Variants in ALG6 observed in about 807,000 individuals in gnomAD.
ALG6 encodes the protein ALG6 alpha-1,3-glucosyltransferase, also known as dolichyl pyrophosphate Man9GlcNAc2 alpha-1,3-glucosyltransferase.
A neutral mutation model predicts 66.6 loss-of-function variants in ALG6; 46 were observed. The observed-to-expected ratio is 0.69, with a 90% CI of 0.55 to 0.88. The LOEUF is 0.88. Ranked by LOEUF, ALG6 falls within the 40% of genes least tolerant of loss-of-function variation. ALG6 has a pLI of 0.00. For missense variants in ALG6, 505 were observed against 586.8 expected (o/e 0.86, Z 1.44); for synonymous variants, 185 against 203.7 (o/e 0.91, Z 0.78).
intron 12 of ALG6, 55 bp from the exon 13 acceptor site, chr1:63,428,678 A>T (rs1163579045): frequency 9.8e-6 from 12 of 1,229,294 alleles, no homozygotes; most frequent in Non-Finnish European, 1.4e-5. Flanking sequence ...TTTTACAATT[A>T]GGAGTTGAAG....
intron 7 of ALG6, 88 bp from the exon 8 acceptor site, chr1:63,411,058 C>T: frequency 6.0e-6 from 8 of 1,336,064 alleles, no homozygotes; most frequent in Non-Finnish European, 8.5e-6. Context: ...GCTTGCATTT[C>T]CTAGAGCATA....
At chr1:63,402,995 T>C (rs1441588167) in intron 4 of ALG6, among the ~76,000 whole-genome samples, 1 of 145,892 alleles carries the variant, frequency 6.9e-6, no homozygotes, top group Non-Finnish European at 1.5e-5. Context: ...CTTGGGAGGC[T>C]GAGGCAGGAG....
At chr1:63,431,062 T>G (rs1033227551) in intron 14 of ALG6, among the ~76,000 whole-genome samples, 34 of 152,316 alleles carry the variant, frequency 2.2e-4, no homozygotes, top group African/African-American at 8.2e-4. Context: ...GTATATGGTG[T>G]GAGGTAGGAG....
chr1:63,402,386 T>G, intron 4 of ALG6, 43 bp downstream of exon 4: 1 of 1,349,100 alleles, frequency 7.4e-7, no homozygotes, highest in Non-Finnish European at 1.1e-6. Flanking sequence ...TTTTATGCCC[T>G]TGGCAGATTT....
At chr1:63,404,675 C>G in intron 5 of ALG6, 134 bp downstream of exon 5, 1 of 741,810 alleles carries the variant, frequency 1.3e-6, no homozygotes, top group South Asian at 1.6e-5. Context: ...TACAAATATA[C>G]ATATTTGTAT....
Position 63,378,081 on chromosome 1 carries a change from G to T in ALG6, c.82+7022G>T, listed in dbSNP as rs186263723. ...TTTACCCTTGTGTTTAGCATTTTCT[G>T]TTCACCCTTCTTACATATTGTATCT... is the stretch of plus-strand genomic sequence containing the variant. On this transcript the variant is annotated intron_variant, in intron 2 of 14. Transcript: ENST00000263440. Among the ~76,000 whole-genome samples the T allele has an allele frequency of 2.0e-5, 3 of 152,144 alleles. No individual in the cohort carries two copies. The East Asian group carries it at 5.8e-4, about 29-fold the overall frequency.
intron 12 of ALG6, chr1:63,428,121 C>A (rs1478822330): frequency 6.6e-6 from 1 of 152,398 alleles, no homozygotes; most frequent in African/African-American, 2.4e-5. Flanking sequence ...CTAAACAATT[C>A]TTTGATAAAG....
chr1:63,394,275 G>A lies in ALG6; in HGVS notation c.83-2238G>A, dbSNP rs1379214503. Among the ~76,000 whole-genome samples, 8 of 152,284 alleles carry A rather than the reference G, an allele frequency of 5.3e-5. No individual in the cohort carries two copies. In the East Asian group the frequency reaches 1.5e-3, roughly 29 times the overall value. ...CAGTTTAAAAAGCTGTGATTATACT[G>A]TACCTCTTTGGGCCTTCTCACAATT... is the stretch of plus-strand genomic sequence containing the variant. On this transcript the variant is annotated intron_variant, in intron 2 of 14. Transcript: ENST00000263440.
intron 14 of ALG6, among the ~76,000 whole-genome samples, chr1:63,432,258 G>GTT (rs139890401): frequency 0.026 from 3,843 of 149,590 alleles, 65 homozygotes; most frequent in Non-Finnish European, 0.04. Flanking sequence ...TTGGTCATGT[G>GTT]TGTTTTTTTT....
intron 2 of ALG6, among the ~76,000 whole-genome samples, chr1:63,377,832 C>CA (rs1648183259): frequency 6.6e-6 from 1 of 152,186 alleles, no homozygotes; most frequent in Non-Finnish European, 1.5e-5. Context: ...TTCCTGGGCT[C>CA]AGAGGATCCT....
intron 7 of ALG6, among the ~76,000 whole-genome samples, chr1:63,407,555 T>G (rs1423927376): frequency 1.3e-5 from 2 of 152,098 alleles, no homozygotes; most frequent in African/African-American, 2.4e-5. Flanking sequence ...TTCAGGAAAC[T>G]AAAACTGATA....
At chr1:63,429,887 T>TGTG (rs1553156973) in intron 14 of ALG6, 18 of 85,778 alleles carry the variant, frequency 2.1e-4, no homozygotes, top group Admixed American at 1.9e-3. Context: ...GTGTGTGTAT[T>TGTG]TATTTATTTT....
intron 2 of ALG6, among the ~76,000 whole-genome samples, chr1:63,380,869 G>A (rs1384317109): frequency 6.6e-6 from 1 of 152,132 alleles, no homozygotes; most frequent in African/African-American, 2.4e-5. Context: ...CTCTTAAATT[G>A]TCCCTAGGAA....
chr1:63,385,792 GTT>G (rs1648485772), intron 2 of ALG6, among the ~76,000 whole-genome samples: 1 of 152,108 alleles, frequency 6.6e-6, no homozygotes, highest in Admixed American at 6.6e-5. Flanking sequence ...TTCCTTTCCA[GTT>G]TGGGTGACCT....
At chr1:63,407,244 A>G (rs891930259) in intron 7 of ALG6, 118 bp downstream of exon 7, 1 of 718,256 alleles carries the variant, frequency 1.4e-6, no homozygotes, top group Middle Eastern at 3.2e-4. Context: ...TATATAAACT[A>G]TTTCACAATA....
At chr1:63,431,316 C>G (rs1045762509) in intron 14 of ALG6, among the ~76,000 whole-genome samples, 4 of 152,136 alleles carry the variant, frequency 2.6e-5, no homozygotes, top group Admixed American at 1.3e-4. Flanking sequence ...ATTTTACATC[C>G]CTTTATTTTC....
Position 63,422,243 on chromosome 1 carries a change from A to T in ALG6, c.1058+2803A>T, listed in dbSNP as rs1430675355. On this transcript the variant is annotated intron_variant, in intron 12 of 14. Coordinates refer to ENST00000263440, the MANE Select transcript of ALG6 (RefSeq NM_013339.4). The stretch of plus-strand genomic sequence containing the variant: ...TTTATATAAATATAAATATATATAT[A>T]AATATATATATTTATATAGATATAA... Among the ~76,000 whole-genome samples the T allele has an allele frequency of 1.8e-4, 17 of 96,480 alleles. 1 individual carries two copies. The East Asian group carries it at 2.2e-3, about 12-fold the overall frequency. The allele number at this position is 96,480 out of a possible 152,430, so 63.3% of individuals were successfully genotyped here.
At chr1:63,421,987 C>T (rs1016882728) in intron 12 of ALG6, among the ~76,000 whole-genome samples, 6 of 145,702 alleles carry the variant, frequency 4.1e-5, no homozygotes, top group Non-Finnish European at 8.9e-5. Context: ...CCTGCATGTT[C>T]TGCACATGTA....
intron 7 of ALG6, among the ~76,000 whole-genome samples, chr1:63,407,439 G>A (rs556699104): frequency 5.1e-4 from 77 of 152,146 alleles, no homozygotes; most frequent in African/African-American, 1.8e-3. Context: ...AGTGTAACAT[G>A]TCTTCTATCC....
Sources: gnomAD v4.1 joint callset for allele counts (sites outside exome capture counted in the v4.1 genomes callset) on GRCh38, gnomAD v4.1.1 for gene constraint, MANE v1.5 for transcripts, NCBI Gene and HGNC (gene_info 2026-07-23, HGNC 2026-07-21) for gene names.